The following CREB3L1 variants were observed in gnomAD, a reference collection of about 807,000 sequenced individuals.
The protein encoded by CREB3L1 is cyclic AMP-responsive element-binding protein 3-like protein 1.
Under a neutral mutation model 54.5 loss-of-function variants are expected in CREB3L1, and 33 were observed. The ratio of observed to expected loss-of-function variants is 0.61; its 90% confidence interval spans 0.46 to 0.81. The LOEUF (loss-of-function observed/expected upper bound fraction) is 0.81. Among genes scored for constraint, CREB3L1 ranks in the 30% least tolerant of loss-of-function variants. The pLI is 0.00. For missense variants in CREB3L1, 656 were observed against 673.3 expected (o/e 0.97, Z 0.29); for synonymous variants, 284 against 286.4 (o/e 0.99, Z 0.08).
rs771812755 is a variant in CREB3L1, at chr11:46,317,498, G to T, written c.1258+11G>T. The T allele has an allele frequency of 1.9e-6, 3 of 1,606,188 alleles. No homozygotes were observed. The highest frequency in any genetic ancestry group is 4.5e-5 in the East Asian group (2 of 44,874). On this transcript the variant is annotated intron_variant, in intron 10 of 11. Coordinates refer to ENST00000621158, the MANE Select transcript of CREB3L1 (RefSeq NM_052854.4). ...ACACGGCCAGCCAGAGTGAGTGCCC[G>T]CCTGTCATGCCAGCTCCCTGGGCTG... is the stretch of plus-strand genomic sequence containing the variant.
At position 46,307,816 on chromosome 11, in the gene CREB3L1, A is replaced by T. The variant is rs368987287; in HGVS notation, c.332A>T (p.Asp111Val). ...VPIKMEDTTQDAEHGAWALGH... is the reference protein window; with the variant it reads ...VPIKMEDTTQVAEHGAWALGH... ...CCCTGAGCCTTTCCCCTTCCCCTAG[A>T]TGCAGAGCATGGAGCATGGGCGCTG... Residue 111 changes from aspartate (D) to valine (V), a missense_variant and splice_region_variant, in exon 3 of 12, where the codon GAT (aspartate) becomes GTT (valine). By Grantham distance (152) the Asp-to-Val change is radical. Transcript: ENST00000621158. The T allele has an allele frequency of 2.0e-5, 32 of 1,562,224 alleles. No homozygotes were observed. The South Asian group carries it at 2.8e-4, about 14-fold the overall frequency.
intron 2 of CREB3L1, among the ~76,000 whole-genome samples, chr11:46,304,955 G>C (rs1411240996): frequency 6.6e-6 from 1 of 152,186 alleles, no homozygotes; most frequent in Non-Finnish European, 1.5e-5. Flanking sequence ...AAGATTGTGG[G>C]TATTCCTGGA....
At position 46,277,994 on chromosome 11, in the gene CREB3L1, C is replaced by A; in HGVS notation, c.-118C>A. 9 of 303,868 alleles carry A rather than the reference C, an allele frequency of 3.0e-5. No homozygotes were observed. Among genetic ancestry groups the A allele is most frequent in the East Asian group, 5.9e-5 (1 of 17,066 alleles). The allele number at this position is 303,868 out of a possible 1,614,324, so 18.8% of individuals were successfully genotyped here. A position where few individuals can be genotyped will look rare whatever the true frequency, so the allele number is the denominator to read the frequency against. Reference sequence around the variant, plus strand: ...TCCGTCCGCCCCTCCCCCGGGGCTTCGCCCCGGACCTGCCCCCCGCCCGTT... The same window carrying A: ...TCCGTCCGCCCCTCCCCCGGGGCTTAGCCCCGGACCTGCCCCCCGCCCGTT... On this transcript the variant is annotated 5_prime_UTR_variant, in exon 1 of 12. Transcript: ENST00000621158.
Position 46,312,371 on chromosome 11 carries a change from A to G in CREB3L1, c.800A>G (p.Lys267Arg). Residue 267 changes from lysine to arginine, a missense_variant, in exon 6 of 12, where the codon AAG becomes AGG. By Grantham distance (26) the Lys-to-Arg change is conservative (BLOSUM62 2). Coordinates refer to ENST00000621158, the MANE Select transcript of CREB3L1 (RefSeq NM_052854.4). ...CCACTGCTCCTGACAGAGGAGGAGAAGCGGACCCTGATTGCTGAGGGCTAC... is the reference window on the plus strand; with the variant it reads ...CCACTGCTCCTGACAGAGGAGGAGAGGCGGACCCTGATTGCTGAGGGCTAC... ...SGPLLLTEEE[K>R]RTLIAEGYPI... The G allele has an allele frequency of 1.2e-6, 2 of 1,613,200 alleles. No homozygotes were observed. Among genetic ancestry groups the G allele is most frequent in the African/African-American group, 2.7e-5 (2 of 75,018 alleles).
At chr11:46,304,270 C>T (rs1939344160) in intron 2 of CREB3L1, among the ~76,000 whole-genome samples, 1 of 152,124 alleles carries the variant, frequency 6.6e-6, no homozygotes, top group South Asian at 2.1e-4. Context: ...GTCAGGAGTT[C>T]AAGGCCAGCC....
At chr11:46,279,685 C>T (rs1938937490) in intron 1 of CREB3L1, among the ~76,000 whole-genome samples, 1 of 152,050 alleles carries the variant, frequency 6.6e-6, no homozygotes, top group Non-Finnish European at 1.5e-5. Context: ...AATAAAGCAG[C>T]AGGGATCGGG....
At chr11:46,305,724 GTGTGTGTGTA>G (rs1432132243) in intron 2 of CREB3L1, among the ~76,000 whole-genome samples, 3 of 120,472 alleles carry the variant, frequency 2.5e-5, no homozygotes, top group South Asian at 2.6e-4. Context: ...GTGTGTGTGT[GTGTGTGTGTA>G]TATATATATA....
intron 2 of CREB3L1, among the ~76,000 whole-genome samples, chr11:46,307,169 CA>C (rs1201527957): frequency 6.6e-6 from 1 of 152,166 alleles, no homozygotes; most frequent in Non-Finnish European, 1.5e-5. Flanking sequence ...TGAGCCACTG[CA>C]CCTGGCCGCT....
In CREB3L1 at chr11:46,317,691, TAC is replaced by T. The variant is rs111307869; in HGVS notation, c.1258+206_1258+207del. 1.5e-3 allele frequency among the ~76,000 whole-genome samples: 236 copies of T among 152,276 alleles called. 1 individual carries two copies. Among genetic ancestry groups the T allele is most frequent in the African/African-American group, 5.5e-3 (228 of 41,556 alleles). On this transcript the variant is annotated intron_variant, in intron 10 of 11. Transcript: ENST00000621158. The stretch of plus-strand genomic sequence containing the variant: ...GTTTGTGGTAGAATTGGGACTAAAA[TAC>T]AGAGCTCCCGATGCCCAGCCTAGCT...
At chr11:46,298,853 G>A (rs1939250406) in intron 1 of CREB3L1, among the ~76,000 whole-genome samples, 1 of 152,188 alleles carries the variant, frequency 6.6e-6, no homozygotes, top group African/African-American at 2.4e-5. Context: ...CTATGTGCCA[G>A]GGACTGTTAT....
chr11:46,288,198 C>G (rs1052950139), intron 1 of CREB3L1, among the ~76,000 whole-genome samples: 3 of 152,100 alleles, frequency 2.0e-5, no homozygotes, highest in Non-Finnish European at 2.9e-5. Context: ...TTCTCTGCCT[C>G]AGTCTCCCGA....
intron 1 of CREB3L1, among the ~76,000 whole-genome samples, chr11:46,281,379 C>T (rs1305870891): frequency 6.6e-6 from 1 of 152,224 alleles, no homozygotes; most frequent in Non-Finnish European, 1.5e-5. Context: ...TGTGCTGTCC[C>T]CTCCTTCCTC....
Position 46,278,257 on chromosome 11 carries a change from G to A in CREB3L1, c.102+44G>A. The A allele has an allele frequency of 2.2e-6, 3 of 1,353,196 alleles. No individual in the cohort carries two copies. Among genetic ancestry groups the A allele is most frequent in the Middle Eastern group, 1.8e-4 (1 of 5,590 alleles). 83.8% of individuals were successfully genotyped at this position (1,353,196 alleles called of 1,614,324 possible). Reference sequence around the variant, plus strand: ...GTTCCCGTTCCACCCCTCGGCACCCGTCCTCGCGGCGCGCCTGGGCCCCTA... The same window carrying A: ...GTTCCCGTTCCACCCCTCGGCACCCATCCTCGCGGCGCGCCTGGGCCCCTA... On this transcript the variant is annotated intron_variant, in intron 1 of 11. Transcript: ENST00000621158. The surrounding 1 kb of genome is among the most constrained non-coding windows in gnomAD (Gnocchi z 4.2).
intron 1 of CREB3L1, among the ~76,000 whole-genome samples, chr11:46,288,059 C>T (rs1939080764): frequency 1.3e-5 from 2 of 151,682 alleles, no homozygotes; most frequent in African/African-American, 4.8e-5. Flanking sequence ...TCCAATTACA[C>T]TCTTTTTTTT....
chr11:46,313,543 G>A (rs543944310), intron 8 of CREB3L1, among the ~76,000 whole-genome samples: 1 of 152,146 alleles, frequency 6.6e-6, no homozygotes, highest in Admixed American at 6.5e-5. Flanking sequence ...AAAATTAGCT[G>A]GGCGTGGTGG....
At position 46,278,240 on chromosome 11, in the gene CREB3L1, T is replaced by C; in HGVS notation, c.102+27T>C. The C allele has an allele frequency of 1.4e-6, 2 of 1,458,930 alleles. No individual in the cohort carries two copies. The highest frequency in any genetic ancestry group is 1.9e-6 in the Non-Finnish European group (2 of 1,070,806). The allele number at this position is 1,458,930 out of a possible 1,614,324, so 90.4% of individuals were successfully genotyped here. A position where few individuals can be genotyped will look rare whatever the true frequency, so the allele number is the denominator to read the frequency against. On this transcript the variant is annotated intron_variant, in intron 1 of 11. Coordinates refer to ENST00000621158, the MANE Select transcript of CREB3L1 (RefSeq NM_052854.4). This position sits in a 1 kb window ranked among gnomAD's most constrained non-coding sequence, Gnocchi z 4.2. ...TAAGATGAAGGGTCTCCGTTCCCGT[T>C]CCACCCCTCGGCACCCGTCCTCGCG...
At chr11:46,288,481 A>G (rs368906822) in intron 1 of CREB3L1, among the ~76,000 whole-genome samples, 1 of 152,230 alleles carries the variant, frequency 6.6e-6, no homozygotes, top group South Asian at 2.1e-4. Flanking sequence ...GGCCCATGGC[A>G]TTTGACAGCC....
intron 2 of CREB3L1, among the ~76,000 whole-genome samples, chr11:46,303,575 C>T (rs1386767685): frequency 1.3e-5 from 2 of 152,090 alleles, no homozygotes; most frequent in Admixed American, 6.6e-5. Flanking sequence ...ACCCAGGAAG[C>T]GGAGGTTGCA....
rs185926968 is a variant in CREB3L1 at position 46,288,323 on chromosome 11, C to G, written c.102+10110C>G. On this transcript the variant is annotated intron_variant, in intron 1 of 11. Coordinates refer to ENST00000621158, the MANE Select transcript of CREB3L1 (RefSeq NM_052854.4). The stretch of plus-strand genomic sequence containing the variant: ...TCTCAAACTCCTGGCCTCAAGTGAT[C>G]CGCCCGCCTCAGTCTCCCAAAGTGC... 4.3e-3 allele frequency among the ~76,000 whole-genome samples: 660 copies of G among 152,252 alleles called. 6 individuals carry two copies. The highest frequency in any genetic ancestry group is 0.015 in the African/African-American group (630 of 41,550).
Sources: allele counts gnomAD v4.1 joint callset (sites outside exome capture counted in the v4.1 genomes callset), GRCh38; gene constraint gnomAD v4.1.1; non-coding constraint Gnocchi (gnomAD v3.1); transcripts MANE v1.5; gene names NCBI Gene and HGNC (gene_info 2026-07-23, HGNC 2026-07-21).